The following HYDIN variants were observed in gnomAD, a reference collection of about 807,000 sequenced individuals.
HYDIN encodes HYDIN axonemal central pair apparatus protein, also known as axonemal central pair apparatus protein HYDIN.
HYDIN carries 132 observed loss-of-function variants against 403.9 expected under a neutral mutation model. That is an observed-to-expected ratio of 0.33 (90% CI 0.28 to 0.38). The LOEUF is 0.38. Ranked by LOEUF, HYDIN falls within the 10% of genes least tolerant of loss-of-function variation. The pLI is 1.00. For missense variants in HYDIN, 2,827 were observed against 5,009.5 expected (o/e 0.56, Z 13.15); for synonymous variants, 1,202 against 1,891.7 (o/e 0.64, Z 9.46).
At chr16:70,859,963 C>T in intron 71 of HYDIN, 105 bp downstream of exon 71, 1 of 987,942 alleles carries the variant, frequency 1.0e-6, no homozygotes, top group Non-Finnish European at 1.6e-6. Flanking sequence ...ACTACACCCT[C>T]AGGCAGTTCT....
intron 10 of HYDIN, among the ~76,000 whole-genome samples, chr16:71,111,662 G>A (rs111833943): frequency 6.6e-6 from 1 of 151,980 alleles, no homozygotes; most frequent in African/African-American, 2.4e-5. Flanking sequence ...TGGTGGCTGC[G>A]GAGAGCTACA....
chr16:70,975,470 TG>T (rs1011175055), intron 30 of HYDIN, among the ~76,000 whole-genome samples: 7 of 151,974 alleles, frequency 4.6e-5, no homozygotes, highest in Non-Finnish European at 8.8e-5. Context: ...ACATTTTTCC[TG>T]GGAAGGGCGT....
intron 38 of HYDIN, among the ~76,000 whole-genome samples, chr16:70,960,676 C>T (rs1256562148): frequency 6.6e-6 from 1 of 152,130 alleles, no homozygotes; most frequent in Non-Finnish European, 1.5e-5. Flanking sequence ...TACTTAAATA[C>T]AGGTCTAGCT....
chr16:70,957,932 A>G, intron 39 of HYDIN, among the ~76,000 whole-genome samples: 1 of 122,220 alleles, frequency 8.2e-6, no homozygotes, highest in East Asian at 2.2e-4. Flanking sequence ...TATTTTTCCT[A>G]AGAAAATTTT....
rs560225793 is a variant in HYDIN, at chr16:71,006,757, C to T, written c.3644+11372G>A. Among the ~76,000 whole-genome samples, 419 of 152,166 alleles carry T rather than the reference C, an allele frequency of 2.8e-3. 2 individuals carry two copies. Among genetic ancestry groups the T allele is most frequent in the African/African-American group, 9.2e-3 (383 of 41,502 alleles). ...GGGCAGCAGGCGTCTCTTCACCCTG[C>T]TGGGACTGATCATCTAGCCCGCCCC... On this transcript the variant is annotated intron_variant, in intron 23 of 85. Coordinates refer to ENST00000393567, the MANE Select transcript of HYDIN (RefSeq NM_001270974.2).
chr16:71,024,934 G>T (rs1306357379), intron 21 of HYDIN, among the ~76,000 whole-genome samples: 1 of 152,184 alleles, frequency 6.6e-6, no homozygotes, highest in East Asian at 1.9e-4. Context: ...TGCTGCATAC[G>T]GTTGTTGTGA....
chr16:71,202,783 T>C (rs971623340), intron 1 of HYDIN, among the ~76,000 whole-genome samples: 54 of 152,204 alleles, frequency 3.5e-4, no homozygotes, highest in Admixed American at 2.0e-4. Context: ...CTCCTAACCC[T>C]TTTAAACAAT....
intron 55 of HYDIN, 109 bp downstream of exon 55, chr16:70,894,340 C>T (rs769460010): frequency 1.0e-5 from 15 of 1,497,330 alleles, no homozygotes; most frequent in South Asian, 6.8e-5. Context: ...GTGGACTTGA[C>T]GGCCGCAAAC....
At chr16:71,110,882 T>TC (rs1384255025) in intron 10 of HYDIN, among the ~76,000 whole-genome samples, 5 of 100,432 alleles carry the variant, frequency 5.0e-5, no homozygotes. Context: ...TCTTATACTC[T>TC]CCCCCCAGGT....
intron 1 of HYDIN, among the ~76,000 whole-genome samples, chr16:71,217,126 C>G (rs758997550): frequency 1.3e-5 from 2 of 152,212 alleles, no homozygotes; most frequent in Non-Finnish European, 2.9e-5. Context: ...ATTTAACCTA[C>G]ATAAAATTTA....
At chr16:71,181,113 T>A (rs572048019) in intron 3 of HYDIN, among the ~76,000 whole-genome samples, 30 of 151,722 alleles carry the variant, frequency 2.0e-4, no homozygotes, top group African/African-American at 7.0e-4. Flanking sequence ...AATGCAGGAA[T>A]ACACTATTTT....
intron 41 of HYDIN, among the ~76,000 whole-genome samples, chr16:70,949,163 A>G (rs1328192869): frequency 3.9e-5 from 6 of 152,084 alleles, no homozygotes; most frequent in Non-Finnish European, 7.4e-5. Flanking sequence ...TTGTAGGGAC[A>G]TGGATGAAAT....
At chr16:70,878,697 A>G (rs1489800784) in intron 62 of HYDIN, among the ~76,000 whole-genome samples, 1 of 143,932 alleles carries the variant, frequency 6.9e-6, no homozygotes, top group African/African-American at 2.9e-5. Flanking sequence ...CTTTCTCTCT[A>G]TTTCTGGTTT....
At position 70,908,878 on chromosome 16, in the gene HYDIN, C is replaced by G; in HGVS notation, c.8005-17G>C. On this transcript the variant is annotated splice_polypyrimidine_tract_variant and intron_variant, in intron 47 of 85. Transcript: ENST00000393567. ...CTCTTGAGCCTTAATTAAAAACGAG[C>G]ATGAGGTCTTAAATATTCACTTTTT... 1 of 1,609,944 alleles carries G rather than the reference C, an allele frequency of 6.2e-7. No homozygotes were observed. The highest frequency in any genetic ancestry group is 1.7e-5 in the Admixed American group (1 of 59,332).
At chr16:71,028,252 T>C (rs377259405) in intron 19 of HYDIN, among the ~76,000 whole-genome samples, 11 of 152,176 alleles carry the variant, frequency 7.2e-5, no homozygotes, top group African/African-American at 2.6e-4. Flanking sequence ...AAATTACTAG[T>C]GACTGAGTGG....
chr16:71,172,477 T>C (rs76668950), intron 5 of HYDIN, among the ~76,000 whole-genome samples: 1,593 of 152,292 alleles, frequency 0.01, 27 homozygotes, highest in African/African-American at 0.036. Context: ...CAGTATATGA[T>C]AGGTACACTA....
intron 43 of HYDIN, 25 bp from the exon 44 acceptor site, chr16:70,938,780 G>T (rs2077577441): frequency 1.2e-6 from 2 of 1,612,694 alleles, no homozygotes; most frequent in East Asian, 4.5e-5. Context: ...GAGACGGGAA[G>T]GTGAGGAAAA....
At position 70,882,745 on chromosome 16, in the gene HYDIN, C is replaced by T. The variant is rs369423572; in HGVS notation, c.10130G>A (p.Arg3377His). 2.6e-5 allele frequency: 39 copies of T among 1,505,382 alleles called. No individual in the cohort carries two copies. The highest frequency in any genetic ancestry group is 6.9e-5 in the African/African-American group (5 of 72,944). The allele number at this position is 1,505,382 out of a possible 1,614,324, so 93.3% of individuals were successfully genotyped here. A position where few individuals can be genotyped will look rare whatever the true frequency, so the allele number is the denominator to read the frequency against. The stretch of plus-strand genomic sequence containing the variant: ...GATCTTGAAACGAGCCTTGGCTTGG[C>T]GGCCCACCAGGACATTGCAGAAGAT... ...KFIFCNVLVGRQAKARFKISN... is the reference protein window; with the variant it reads ...KFIFCNVLVGHQAKARFKISN... The change falls in exon 60 of 86, where the codon CGC becomes CAC. Residue 3377 changes from arginine to histidine, a missense_variant. Arg to His is a conservative substitution (Grantham distance 29). Coordinates refer to ENST00000393567, the MANE Select transcript of HYDIN (RefSeq NM_001270974.2).
intron 58 of HYDIN, among the ~76,000 whole-genome samples, chr16:70,884,793 C>T (rs996283190): frequency 2.6e-5 from 4 of 152,186 alleles, no homozygotes; most frequent in Admixed American, 1.3e-4. Flanking sequence ...TTGTAGTTTT[C>T]CGGATGACCG....
Sources: allele counts gnomAD v4.1 joint callset (sites outside exome capture counted in the v4.1 genomes callset), GRCh38; gene constraint gnomAD v4.1.1; transcripts MANE v1.5; gene names NCBI Gene and HGNC (gene_info 2026-07-23, HGNC 2026-07-21).